The following TLL1 variants were observed in gnomAD, a reference collection of about 807,000 sequenced individuals.
TLL1 encodes tolloid like 1.
In TLL1, 49 loss-of-function variants were observed where a neutral mutation model predicts 128.2. The ratio of observed to expected loss-of-function variants is 0.38; its 90% confidence interval spans 0.30 to 0.48. TLL1 has a LOEUF of 0.48. Among genes scored for constraint, TLL1 ranks in the 20% least tolerant of loss-of-function variants. The pLI is 0.96. For synonymous variants in TLL1, 454 were observed against 418.8 expected (o/e 1.08, Z -1.03); for missense variants, 1,123 against 1,242.0 (o/e 0.90, Z 1.44).
intron 1 of TLL1, among the ~76,000 whole-genome samples, chr4:165,947,371 G>T (rs1006803713): frequency 6.6e-6 from 1 of 152,030 alleles, no homozygotes; most frequent in Admixed American, 6.6e-5. Flanking sequence ...CCTTGGCTGG[G>T]GTCATGGAGG....
At chr4:166,048,815 T>C (rs1299896477) in intron 12 of TLL1, among the ~76,000 whole-genome samples, 4 of 152,150 alleles carry the variant, frequency 2.6e-5, no homozygotes, top group Non-Finnish European at 5.9e-5. Flanking sequence ...TTGTCAACAT[T>C]ACTACACATT....
At chr4:165,919,743 T>C in intron 1 of TLL1, 1 of 448,288 alleles carries the variant, frequency 2.2e-6, no homozygotes, top group Non-Finnish European at 4.5e-6. Context: ...TGAAATGGCA[T>C]GTGGCCAGAC....
chr4:165,889,129 T>C (rs1731285970), intron 1 of TLL1, among the ~76,000 whole-genome samples: 1 of 152,204 alleles, frequency 6.6e-6, no homozygotes. Flanking sequence ...TAGTCTGTCA[T>C]TGTGACAGAA....
chr4:165,970,865 G>C (rs1025888462), intron 1 of TLL1, among the ~76,000 whole-genome samples: 1 of 152,128 alleles, frequency 6.6e-6, no homozygotes, highest in Admixed American at 6.5e-5. Flanking sequence ...TCTTGTCCCA[G>C]GTTTGACGCA....
chr4:165,989,938 C>T (rs1296930724), intron 2 of TLL1, among the ~76,000 whole-genome samples: 1 of 151,742 alleles, frequency 6.6e-6, no homozygotes, highest in Non-Finnish European at 1.5e-5. Flanking sequence ...AGTTGCCTCT[C>T]ATTTGGATAT....
chr4:166,022,625 A>G (rs1355256470), intron 8 of TLL1, among the ~76,000 whole-genome samples: 1 of 152,210 alleles, frequency 6.6e-6, no homozygotes, highest in Non-Finnish European at 1.5e-5. Flanking sequence ...TGGGAGCTAT[A>G]GACATTAGAC....
chr4:166,011,622 T>C (rs2111046747), intron 7 of TLL1, among the ~76,000 whole-genome samples: 1 of 151,628 alleles, frequency 6.6e-6, no homozygotes, highest in East Asian at 1.9e-4. Context: ...ATGGCTTTTA[T>C]TTTGCTTTAT....
At chr4:165,896,773 G>A (rs752052841) in intron 1 of TLL1, among the ~76,000 whole-genome samples, 13 of 152,106 alleles carry the variant, frequency 8.5e-5, no homozygotes, top group African/African-American at 1.9e-4. Flanking sequence ...GTGAGGCACC[G>A]CACCTGGCTG....
chr4:165,911,518 C>A (rs572256839), intron 1 of TLL1, among the ~76,000 whole-genome samples: 3 of 152,266 alleles, frequency 2.0e-5, no homozygotes, highest in Admixed American at 6.5e-5. Context: ...CTAAATACAT[C>A]TGCTGTCTCA....
intron 1 of TLL1, among the ~76,000 whole-genome samples, chr4:165,931,041 G>A (rs1344663597): frequency 6.6e-6 from 1 of 152,130 alleles, no homozygotes; most frequent in African/African-American, 2.4e-5. Context: ...ACCATTTAAA[G>A]TAGGATAATT....
Position 166,100,960 on chromosome 4 carries a change from A to T in TLL1, c.*84A>T. ...TTTTAAAACTGAAGATATTGGCACAAATGTTTTATACAAAGAGTTTGAACA... is the reference window on the plus strand; with the variant it reads ...TTTTAAAACTGAAGATATTGGCACATATGTTTTATACAAAGAGTTTGAACA... On this transcript the variant is annotated 3_prime_UTR_variant, in exon 21 of 21. Coordinates refer to ENST00000061240, the MANE Select transcript of TLL1 (RefSeq NM_012464.5). 1 of 1,523,912 alleles carries T rather than the reference A, an allele frequency of 6.6e-7. No homozygotes were observed. Among genetic ancestry groups the T allele is most frequent in the Non-Finnish European group, 8.9e-7 (1 of 1,119,158 alleles). 94.4% of individuals were successfully genotyped at this position (1,523,912 alleles called of 1,614,324 possible).
At chr4:166,038,142 G>T (rs1739082263) in intron 9 of TLL1, among the ~76,000 whole-genome samples, 2 of 152,186 alleles carry the variant, frequency 1.3e-5, no homozygotes, top group Admixed American at 6.5e-5. Context: ...TTCCAGCACA[G>T]AATTGGTAAT....
intron 18 of TLL1, among the ~76,000 whole-genome samples, chr4:166,089,375 C>G (rs112589317): frequency 1.1e-4 from 17 of 152,162 alleles, no homozygotes; most frequent in Admixed American, 2.6e-4. Flanking sequence ...TTAGTAGGCC[C>G]TGTCTGTAGA....
At chr4:166,031,360 G>C (rs1238321686) in intron 9 of TLL1, among the ~76,000 whole-genome samples, 5 of 139,438 alleles carry the variant, frequency 3.6e-5, no homozygotes, top group Non-Finnish European at 7.6e-5. Flanking sequence ...GCGATTGCAA[G>C]GTCTTTTTTT....
rs148036005 is a variant in TLL1, at chr4:165,929,187, C to T, written c.169+55114C>T. ...CAAGGGGTTCTTAGTGTGAACTAAG[C>T]CACCAACACGATTTTCTTTGGTAGC... On this transcript the variant is annotated intron_variant, in intron 1 of 20. Transcript: ENST00000061240. Among the ~76,000 whole-genome samples the T allele has an allele frequency of 3.9e-5, 6 of 152,258 alleles. No individual in the cohort carries two copies. The East Asian group carries it at 1.2e-3, about 29-fold the overall frequency.
chr4:165,966,683 C>T (rs1004218401), intron 1 of TLL1, among the ~76,000 whole-genome samples: 1 of 152,058 alleles, frequency 6.6e-6, no homozygotes, highest in Non-Finnish European at 1.5e-5. Flanking sequence ...CCTTGAGCTG[C>T]AAAACCAGCA....
At chr4:166,017,609 A>AT (rs1364840246) in intron 8 of TLL1, among the ~76,000 whole-genome samples, 11 of 151,820 alleles carry the variant, frequency 7.2e-5, no homozygotes, top group Middle Eastern at 3.4e-3. Flanking sequence ...ATTGTTTTTC[A>AT]TTTTTTTAAT....
chr4:166,067,247 T>A (rs1040647254), intron 16 of TLL1, among the ~76,000 whole-genome samples: 17 of 151,758 alleles, frequency 1.1e-4, no homozygotes, highest in African/African-American at 3.1e-4. Context: ...ATATTTAATT[T>A]TAAATTTTTT....
rs1474397099 is a variant in TLL1, at chr4:166,008,004, T to C, written c.873T>C (p.Tyr291=). The change falls in exon 7 of 21, where the codon TAT becomes TAC. Residue 291 remains tyrosine, a synonymous_variant. Transcript: ENST00000061240. ...AAGTAAACTCACTTGGAGAAAGATATGATTTCGACAGTATCATGCACTATG... is the reference window on the plus strand; with the variant it reads ...AAGTAAACTCACTTGGAGAAAGATACGATTTCGACAGTATCATGCACTATG... The part of the protein sequence containing the change: ...PGEVNSLGER[Y]DFDSIMHYAR... 14 of 1,610,050 alleles carry C rather than the reference T, an allele frequency of 8.7e-6. No homozygotes were observed. In the East Asian group the frequency reaches 1.6e-4, roughly 18 times the overall value.
Sources: gnomAD v4.1 joint callset for allele counts (sites outside exome capture counted in the v4.1 genomes callset) on GRCh38, gnomAD v4.1.1 for gene constraint, MANE v1.5 for transcripts, NCBI Gene and HGNC (gene_info 2026-07-23, HGNC 2026-07-21) for gene names.